The following NFAT5 variants were observed in gnomAD, a reference collection of about 807,000 sequenced individuals.
NFAT5 encodes nuclear factor of activated T cells 5, also known as nuclear factor of activated T-cells 5.
NFAT5 carries 31 observed loss-of-function variants against 166.5 expected under a neutral mutation model. The ratio of observed to expected loss-of-function variants is 0.19; its 90% CI spans 0.14 to 0.25. The LOEUF (loss-of-function observed/expected upper bound fraction) is 0.25, where lower values mean the gene tolerates loss of function less well. NFAT5 is among the 10% of genes least tolerant of loss of function. NFAT5 has a pLI of 1.00. For missense variants in NFAT5, 1,449 were observed against 1,821.8 expected, an observed-to-expected ratio of 0.80 and a Z score of 3.72; for synonymous variants, 612 against 639.7, an observed-to-expected ratio of 0.96 and a Z score of 0.65.
At chr16:69,652,729 A>G (rs1352982138) in intron 4 of NFAT5, among the ~76,000 whole-genome samples, 3 of 148,122 alleles carry the variant, frequency 2.0e-5, no homozygotes, top group Admixed American at 7.0e-5. Context: ...GTATGGGGGT[A>G]TGTAGGGTTT....
intron 2 of NFAT5, among the ~76,000 whole-genome samples, chr16:69,595,233 T>G (rs1169283255): frequency 6.6e-6 from 1 of 152,214 alleles, no homozygotes; most frequent in Non-Finnish European, 1.5e-5. Flanking sequence ...GTGAATGTGG[T>G]CTCTCAAAAT....
At position 69,566,418 on chromosome 16, in the gene NFAT5, G is replaced by A; in HGVS notation, c.73+44G>A. The A allele has an allele frequency of 7.3e-7, 1 of 1,378,602 alleles. No individual in the cohort carries two copies. The highest frequency in any genetic ancestry group is 1.0e-6 in the Non-Finnish European group (1 of 997,618). The allele number at this position is 1,378,602 out of a possible 1,614,324, so 85.4% of individuals were successfully genotyped here. A position where few individuals can be genotyped will look rare whatever the true frequency, so the allele number is the denominator to read the frequency against. On this transcript the variant is annotated intron_variant, in intron 1 of 14. Transcript: ENST00000349945. The surrounding 1 kb of genome is among the most constrained non-coding windows in gnomAD (Gnocchi z 5.7). ...GGTGGGGCGTGGGGGCGGGGAGACA[G>A]GGAGACAGGGAGACAGGGCCAGGGG...
intron 3 of NFAT5, among the ~76,000 whole-genome samples, chr16:69,637,397 A>T (rs1368364634): frequency 6.6e-6 from 1 of 151,564 alleles, no homozygotes. Flanking sequence ...GCAACACCCC[A>T]CTCCTGGTAC....
rs1567617414 is a variant in NFAT5, at chr16:69,694,131, C to G, written c.4306C>G (p.Gln1436Glu). Residue 1436 changes from glutamine (Q) to glutamate (E), a missense_variant, in exon 13 of 15, where the codon CAG becomes GAG. Gln to Glu is a conservative substitution (Grantham distance 29, BLOSUM62 2). This residue lies in a region of NFAT5 where 891 missense variants were observed against 993.0 expected (regional missense o/e 0.90). Coordinates refer to ENST00000349945, the MANE Select transcript of NFAT5 (RefSeq NM_138713.4). Reference protein sequence around the residue: ...IQGATSSPQPQATLFHNTAGG... With the variant: ...IQGATSSPQPEATLFHNTAGG... Reference sequence around the variant, plus strand: ...AGGAGCCACATCTTCGCCTCAACCACAGGCTACTTTATTTCACAACACAGC... The same window carrying G: ...AGGAGCCACATCTTCGCCTCAACCAGAGGCTACTTTATTTCACAACACAGC... The G allele has an allele frequency of 6.2e-7, 1 of 1,614,240 alleles. No homozygotes were observed.
chr16:69,651,829 C>G (rs571754168), intron 4 of NFAT5, among the ~76,000 whole-genome samples: 79 of 152,118 alleles, frequency 5.2e-4, no homozygotes, highest in African/African-American at 1.8e-3. Context: ...TGCCACCACT[C>G]CTGGCTAATT....
intron 11 of NFAT5, among the ~76,000 whole-genome samples, chr16:69,686,558 T>C (rs1433962942): frequency 6.6e-6 from 1 of 152,062 alleles, no homozygotes; most frequent in African/African-American, 2.4e-5. Flanking sequence ...GTTTATATAC[T>C]TTTTTGATAA....
At chr16:69,655,922 A>T (rs1324187284) in intron 6 of NFAT5, 123 bp downstream of exon 6, 1 of 662,366 alleles carries the variant, frequency 1.5e-6, no homozygotes, top group East Asian at 3.1e-5. Flanking sequence ...TATTATGAAT[A>T]AAAAAAGACA....
At chr16:69,626,840 T>A (rs569299509) in intron 3 of NFAT5, among the ~76,000 whole-genome samples, 12 of 152,242 alleles carry the variant, frequency 7.9e-5, no homozygotes, top group African/African-American at 2.4e-4. Context: ...AAGCTGTGAA[T>A]AGAAAATTAT....
chr16:69,626,377 T>G, intron 2 of NFAT5, 26 bp from the exon 3 acceptor site: 1 of 1,552,062 alleles, frequency 6.4e-7, no homozygotes, highest in Non-Finnish European at 8.6e-7. Flanking sequence ...AAAAATTGTT[T>G]TCTCCTCTCT....
At chr16:69,630,545 A>G (rs919987510) in intron 3 of NFAT5, among the ~76,000 whole-genome samples, 4 of 152,228 alleles carry the variant, frequency 2.6e-5, no homozygotes, top group African/African-American at 2.4e-5. Context: ...CAATATATCA[A>G]TGAATGAAAG....
At chr16:69,578,657 A>AT (rs1472421658) in intron 2 of NFAT5, among the ~76,000 whole-genome samples, 1 of 152,214 alleles carries the variant, frequency 6.6e-6, no homozygotes, top group African/African-American at 2.4e-5. Flanking sequence ...GGAGTTGTGA[A>AT]TTTGTTAATG....
intron 11 of NFAT5, among the ~76,000 whole-genome samples, chr16:69,687,176 T>G (rs2037339552): frequency 6.6e-6 from 1 of 152,064 alleles, no homozygotes; most frequent in Non-Finnish European, 1.5e-5. Flanking sequence ...ATGTGGTGAC[T>G]CACACCTGTA....
In NFAT5 at chr16:69,694,443, C is replaced by T. The variant is rs1177479542; in HGVS notation, c.4414+204C>T. 5.3e-5 allele frequency among the ~76,000 whole-genome samples: 8 copies of T among 152,046 alleles called. No homozygotes were observed. The East Asian group carries it at 5.8e-4, about 11-fold the overall frequency. On this transcript the variant is annotated intron_variant, in intron 13 of 14. Transcript: ENST00000349945. ...CTAATTTTTGTATTTTTGTTAGAGGCGGGGTTTCACCATGTTGGCCAGGCT... is the reference window on the plus strand; with the variant it reads ...CTAATTTTTGTATTTTTGTTAGAGGTGGGGTTTCACCATGTTGGCCAGGCT...
intron 7 of NFAT5, among the ~76,000 whole-genome samples, chr16:69,661,175 C>G (rs567546884): frequency 1.3e-5 from 2 of 149,670 alleles, no homozygotes; most frequent in Non-Finnish European, 1.5e-5. Context: ...TGAGACCAGC[C>G]GAGGCTGGTC....
At chr16:69,669,553 A>G (rs1200449957) in intron 7 of NFAT5, among the ~76,000 whole-genome samples, 2 of 152,192 alleles carry the variant, frequency 1.3e-5, no homozygotes, top group African/African-American at 4.8e-5. Context: ...TCAAAAAAAA[A>G]AGATTTTAGA....
At position 69,566,205 on chromosome 16, in the gene NFAT5, C is replaced by T; in HGVS notation, c.-97C>T. On this transcript the variant is annotated 5_prime_UTR_variant, in exon 1 of 15. Coordinates refer to ENST00000349945, the MANE Select transcript of NFAT5 (RefSeq NM_138713.4). This position sits in a 1 kb window ranked among gnomAD's most constrained non-coding sequence, Gnocchi z 5.7. ...AGCGGCAGCCGCCCTCGCGTCGCCG[C>T]CCCCGGTTCGGTGCCCGCGGTCCCG... 3 of 1,132,550 alleles carry T rather than the reference C, an allele frequency of 2.6e-6. No individual in the cohort carries two copies. Among genetic ancestry groups the T allele is most frequent in the Non-Finnish European group, 2.5e-6 (2 of 787,582 alleles). The allele number at this position is 1,132,550 out of a possible 1,614,324, so 70.2% of individuals were successfully genotyped here.
intron 3 of NFAT5, among the ~76,000 whole-genome samples, chr16:69,643,780 A>G (rs778924162): frequency 4.6e-5 from 7 of 152,268 alleles, no homozygotes; most frequent in South Asian, 2.1e-4. Context: ...TTTTATTACA[A>G]TGTAGGCACT....
intron 2 of NFAT5, among the ~76,000 whole-genome samples, chr16:69,577,551 G>T (rs1422146885): frequency 1.3e-5 from 2 of 152,064 alleles, no homozygotes; most frequent in Admixed American, 6.6e-5. Flanking sequence ...TAAAGAGTAC[G>T]CACTGTATAG....
rs1301165187 is a variant in NFAT5, at chr16:69,655,602, G to T, written c.1006-7G>T. On this transcript the variant is annotated splice_polypyrimidine_tract_variant and splice_region_variant and intron_variant, in intron 5 of 14. Coordinates refer to ENST00000349945, the MANE Select transcript of NFAT5 (RefSeq NM_138713.4). Reference sequence around the variant, plus strand: ...TAGTGTTTCTGTTGCATGTTTTCTGGTTTCAGCTGGAAGGCCATAATGAAC... The same window carrying T: ...TAGTGTTTCTGTTGCATGTTTTCTGTTTTCAGCTGGAAGGCCATAATGAAC... 6 of 1,549,476 alleles carry T rather than the reference G, an allele frequency of 3.9e-6. No homozygotes were observed. The highest frequency in any genetic ancestry group is 5.2e-6 in the Non-Finnish European group (6 of 1,145,846).
Sources: allele counts gnomAD v4.1 joint callset (sites outside exome capture counted in the v4.1 genomes callset), GRCh38; gene constraint gnomAD v4.1.1; regional missense constraint gnomAD v4.1.1; non-coding constraint Gnocchi (gnomAD v3.1); transcripts MANE v1.5; gene names NCBI Gene and HGNC (gene_info 2026-07-23, HGNC 2026-07-21).